Variants in AGMO observed in about 807,000 individuals in gnomAD.
AGMO encodes the protein alkylglycerol monooxygenase.
Under a neutral mutation model 60.2 loss-of-function variants are expected in AGMO, and 75 were observed. The ratio of observed to expected loss-of-function variants is 1.25; its 90% CI spans 1.03 to 1.51. The LOEUF is 1.51. AGMO is among the 40% of genes most tolerant of loss of function. The probability of loss-of-function intolerance (pLI) is 0.00; values close to 1 mark genes in which losing one functional copy is unlikely to be tolerated. For missense variants in AGMO, 763 were observed against 525.5 expected (o/e 1.45, Z -4.42); for synonymous variants, 261 against 177.1 (o/e 1.47, Z -3.76).
chr7:15,393,413 G>A (rs1182178406), intron 6 of AGMO, among the ~76,000 whole-genome samples: 1 of 152,018 alleles, frequency 6.6e-6, no homozygotes, highest in Non-Finnish European at 1.5e-5. Flanking sequence ...CAATGGTTTG[G>A]GCATTTTCAT....
At chr7:15,536,823 T>C (rs894092665) in intron 3 of AGMO, among the ~76,000 whole-genome samples, 3 of 151,990 alleles carry the variant, frequency 2.0e-5, no homozygotes, top group African/African-American at 7.2e-5. Context: ...ACAGCCGTCT[T>C]TCATTATGCT....
chr7:15,322,376 G>A (rs1328121367), intron 12 of AGMO, among the ~76,000 whole-genome samples: 1 of 139,308 alleles, frequency 7.2e-6, no homozygotes, highest in African/African-American at 2.6e-5. Flanking sequence ...GGGTTGAAAA[G>A]AATAAAATAA....
chr7:15,208,491 C>T (rs971273692), intron 12 of AGMO, among the ~76,000 whole-genome samples: 10 of 152,248 alleles, frequency 6.6e-5, no homozygotes, highest in African/African-American at 2.2e-4. Context: ...TAAGAATGGT[C>T]TGTTTTAGTT....
chr7:15,502,489 T>C (rs1341742184), intron 3 of AGMO, among the ~76,000 whole-genome samples: 1 of 152,016 alleles, frequency 6.6e-6, no homozygotes, highest in African/African-American at 2.4e-5. Context: ...TGGGGTCAGA[T>C]CTCCAGAGAG....
the AGMO span, among the ~76,000 whole-genome samples, chr7:15,136,791 T>G: frequency 6.6e-6 from 1 of 151,954 alleles, no homozygotes; most frequent in Non-Finnish European, 1.5e-5. Context: ...AAGAGTCTCT[T>G]GGTTTTATTT....
At chr7:15,473,542 G>A (rs775512122) in intron 3 of AGMO, among the ~76,000 whole-genome samples, 1 of 151,910 alleles carries the variant, frequency 6.6e-6, no homozygotes, top group Non-Finnish European at 1.5e-5. Flanking sequence ...CAATAAACTA[G>A]GTACTGATGG....
At chr7:15,561,349 G>A (rs1051661273) in intron 1 of AGMO, among the ~76,000 whole-genome samples, 1 of 152,202 alleles carries the variant, frequency 6.6e-6, no homozygotes, top group Non-Finnish European at 1.5e-5. Flanking sequence ...TCCCTGGAAG[G>A]GGTGGACAAG....
intron 3 of AGMO, among the ~76,000 whole-genome samples, chr7:15,497,090 G>A (rs1187343482): frequency 6.6e-6 from 1 of 152,144 alleles, no homozygotes; most frequent in Non-Finnish European, 1.5e-5. Context: ...GAAGTCAGAG[G>A]ACTGGAGCCC....
the AGMO span, among the ~76,000 whole-genome samples, chr7:15,119,934 T>G: frequency 2.0e-5 from 1 of 49,782 alleles, no homozygotes; most frequent in Admixed American, 2.3e-4. Flanking sequence ...ATGCATGCTT[T>G]TTTTTTTTTT....
intron 3 of AGMO, among the ~76,000 whole-genome samples, chr7:15,536,143 C>T (rs902369488): frequency 6.6e-6 from 1 of 151,838 alleles, no homozygotes. Flanking sequence ...CTAAGTTTTA[C>T]TCATTTAAGC....
At chr7:15,417,529 T>G (rs1400805494) in intron 5 of AGMO, among the ~76,000 whole-genome samples, 1 of 152,210 alleles carries the variant, frequency 6.6e-6, no homozygotes, top group Non-Finnish European at 1.5e-5. Flanking sequence ...TTAAACAAAT[T>G]TGGTCTTTGA....
intron 12 of AGMO, among the ~76,000 whole-genome samples, chr7:15,208,333 A>G (rs891335121): frequency 3.3e-5 from 5 of 152,242 alleles, no homozygotes; most frequent in Admixed American, 6.5e-5. Flanking sequence ...TCATGTTGGC[A>G]TAAGTATCTT....
chr7:15,330,373 A>T (rs1017378097), intron 12 of AGMO, among the ~76,000 whole-genome samples: 1 of 152,196 alleles, frequency 6.6e-6, no homozygotes, highest in Non-Finnish European at 1.5e-5. Flanking sequence ...TTCTTATACA[A>T]ATTAAATTCT....
At chr7:15,352,070 A>C (rs1782262029) in intron 12 of AGMO, among the ~76,000 whole-genome samples, 1 of 152,212 alleles carries the variant, frequency 6.6e-6, no homozygotes, top group Non-Finnish European at 1.5e-5. Context: ...AGTTAATATG[A>C]CAGAAGAAAT....
chr7:15,214,936 G>C (rs1452605482), intron 12 of AGMO, among the ~76,000 whole-genome samples: 1 of 151,844 alleles, frequency 6.6e-6, no homozygotes, highest in Non-Finnish European at 1.5e-5. Context: ...TGTATCTCTT[G>C]CTATTTCTAA....
At chr7:15,149,956 G>A in the AGMO span, among the ~76,000 whole-genome samples, 1 of 152,044 alleles carries the variant, frequency 6.6e-6, no homozygotes, top group African/African-American at 2.4e-5. Context: ...AGCATGGAAT[G>A]TTTTTCCATT....
chr7:15,455,027 C>T (rs568350317), intron 3 of AGMO, among the ~76,000 whole-genome samples: 4 of 151,516 alleles, frequency 2.6e-5, no homozygotes, highest in South Asian at 2.1e-4. Flanking sequence ...ACCTGTGCTA[C>T]GGTAGATGCA....
At chr7:15,178,124 C>T in the AGMO span, among the ~76,000 whole-genome samples, 3 of 151,998 alleles carry the variant, frequency 2.0e-5, no homozygotes, top group African/African-American at 7.3e-5. Flanking sequence ...CTGGTACTGC[C>T]CTTTTGGGGG....
chr7:15,390,955 T>G, intron 6 of AGMO, 50 bp from the exon 7 acceptor site: 1 of 1,103,916 alleles, frequency 9.1e-7, no homozygotes, highest in Non-Finnish European at 1.3e-6. Flanking sequence ...AGTTATGCTT[T>G]TTGAGATACT....
Sources: allele counts gnomAD v4.1 joint callset (sites outside exome capture counted in the v4.1 genomes callset), GRCh38; gene constraint gnomAD v4.1.1; transcripts MANE v1.5; gene names NCBI Gene and HGNC (gene_info 2026-07-23, HGNC 2026-07-21).